The following KLF12 variants were observed in gnomAD, a reference collection of about 807,000 sequenced individuals.
KLF12 encodes the protein Krueppel-like factor 12.
KLF12 carries 9 observed loss-of-function variants against 37.8 expected under a neutral mutation model. The ratio of observed to expected loss-of-function variants is 0.24; its 90% confidence interval spans 0.14 to 0.42. The LOEUF is 0.42. KLF12 is among the 10% of genes least tolerant of loss of function. KLF12 has a pLI of 1.00. For missense variants in KLF12, 411 were observed against 516.0 expected (o/e 0.80, Z 1.97); for synonymous variants, 208 against 202.1 (o/e 1.03, Z -0.25).
chr13:73,908,925 C>T (rs990583263), intron 3 of KLF12, among the ~76,000 whole-genome samples: 3 of 152,136 alleles, frequency 2.0e-5, no homozygotes, highest in Admixed American at 6.5e-5. Context: ...GGTAGAAGCA[C>T]AATAAAATAT....
intron 2 of KLF12, among the ~76,000 whole-genome samples, chr13:73,975,135 T>C (rs575993627): frequency 3.9e-5 from 6 of 152,340 alleles, no homozygotes; most frequent in Admixed American, 3.9e-4. Flanking sequence ...GAGTATGTAA[T>C]TCAAAAGTAA....
intron 4 of KLF12, among the ~76,000 whole-genome samples, chr13:73,832,442 T>G (rs747791726): frequency 5.9e-5 from 9 of 152,320 alleles, no homozygotes; most frequent in Non-Finnish European, 1.3e-4. Flanking sequence ...TACAGAGGAC[T>G]GATTCACAGC....
intron 2 of KLF12, among the ~76,000 whole-genome samples, chr13:73,954,356 C>T (rs1890762053): frequency 6.6e-6 from 1 of 152,044 alleles, no homozygotes; most frequent in Admixed American, 6.5e-5. Context: ...AAACTTTGTG[C>T]TTATATGTAA....
At chr13:74,040,085 T>C (rs1158564828) in intron 1 of KLF12, among the ~76,000 whole-genome samples, 1 of 152,230 alleles carries the variant, frequency 6.6e-6, no homozygotes, top group Non-Finnish European at 1.5e-5. Flanking sequence ...TTTCTTCAAA[T>C]TTTCCCTAAT....
Position 73,695,078 on chromosome 13 carries a change from T to G in KLF12, c.*412A>C, listed in dbSNP as rs1315615715. The G allele has an allele frequency of 6.2e-6, 1 of 160,694 alleles. No homozygotes were observed. 10.0% of individuals were successfully genotyped at this position (160,694 alleles called of 1,614,324 possible). On this transcript the variant is annotated 3_prime_UTR_variant, in exon 8 of 8. Coordinates refer to ENST00000377669, the MANE Select transcript of KLF12 (RefSeq NM_007249.5). ...TAACTAAAATTTCTGTAAAAAGGGG[T>G]TAAGGGATGGGATGATGGGAGATTC...
chr13:73,941,042 G>A (rs1890163217), intron 3 of KLF12, among the ~76,000 whole-genome samples: 1 of 152,190 alleles, frequency 6.6e-6, no homozygotes, highest in Admixed American at 6.5e-5. Context: ...AATGCTGTGT[G>A]CAGCCTGAGA....
chr13:73,825,690 A>T (rs1218460882), intron 4 of KLF12, among the ~76,000 whole-genome samples: 1 of 151,254 alleles, frequency 6.6e-6, no homozygotes, highest in African/African-American at 2.4e-5. Flanking sequence ...TGTCTTTTGT[A>T]ATATAAGGAA....
intron 3 of KLF12, among the ~76,000 whole-genome samples, chr13:73,885,333 A>C (rs1887172276): frequency 6.6e-6 from 1 of 152,020 alleles, no homozygotes; most frequent in South Asian, 2.1e-4. Flanking sequence ...CTCTTTCCTC[A>C]CTCCAAATCC....
At chr13:74,179,702 A>G in the KLF12 span, among the ~76,000 whole-genome samples, 16 of 152,188 alleles carry the variant, frequency 1.1e-4, no homozygotes, top group Non-Finnish European at 1.8e-4. Context: ...ATCAAAATCA[A>G]CACTGCAGAA....
intron 1 of KLF12, among the ~76,000 whole-genome samples, chr13:74,031,234 T>C (rs1349275477): frequency 6.6e-6 from 1 of 152,164 alleles, no homozygotes; most frequent in South Asian, 2.1e-4. Flanking sequence ...ATTGACTTTA[T>C]ATGTGATTTA....
chr13:74,082,447 C>G (rs1199397779), intron 1 of KLF12, among the ~76,000 whole-genome samples: 1 of 152,162 alleles, frequency 6.6e-6, no homozygotes, highest in Non-Finnish European at 1.5e-5. Flanking sequence ...TGATATTAAA[C>G]TAAAGATTCT....
At chr13:73,962,228 T>G (rs1446891775) in intron 2 of KLF12, among the ~76,000 whole-genome samples, 1 of 152,070 alleles carries the variant, frequency 6.6e-6, no homozygotes, top group Non-Finnish European at 1.5e-5. Context: ...AAAAAGCCAG[T>G]CTGAAAAGGT....
chr13:73,920,627 T>A (rs890491492), intron 3 of KLF12, among the ~76,000 whole-genome samples: 17 of 152,182 alleles, frequency 1.1e-4, no homozygotes, highest in African/African-American at 4.1e-4. Flanking sequence ...TTCCCATCCC[T>A]AGGCACCCTT....
intron 4 of KLF12, among the ~76,000 whole-genome samples, chr13:73,833,690 C>T (rs974381018): frequency 1.3e-5 from 2 of 152,110 alleles, no homozygotes; most frequent in Admixed American, 1.3e-4. Context: ...AAAGAAAAGG[C>T]TTCCCTTTGC....
chr13:74,252,999 C>G, the KLF12 span, among the ~76,000 whole-genome samples: 2 of 127,272 alleles, frequency 1.6e-5, no homozygotes, highest in Admixed American at 7.2e-5. Context: ...ATCTATCTAT[C>G]TATCTATCTA....
intron 6 of KLF12, among the ~76,000 whole-genome samples, chr13:73,739,360 C>A (rs972883830): frequency 2.0e-5 from 3 of 151,906 alleles, no homozygotes; most frequent in Non-Finnish European, 4.4e-5. Flanking sequence ...AATACCTTAA[C>A]AAATGTTTTC....
chr13:73,865,105 T>A (rs1251688947), intron 3 of KLF12, among the ~76,000 whole-genome samples: 2 of 152,142 alleles, frequency 1.3e-5, no homozygotes, highest in Non-Finnish European at 2.9e-5. Context: ...TAAGGTCAAC[T>A]TGATTGCCTA....
At chr13:73,940,287 CAA>C (rs1289986377) in intron 3 of KLF12, among the ~76,000 whole-genome samples, 2 of 152,168 alleles carry the variant, frequency 1.3e-5, no homozygotes, top group African/African-American at 4.8e-5. Flanking sequence ...AAGCGTATCA[CAA>C]GAGCACATGC....
At chr13:74,177,096 T>C in the KLF12 span, among the ~76,000 whole-genome samples, 2 of 152,214 alleles carry the variant, frequency 1.3e-5, no homozygotes, top group Non-Finnish European at 2.9e-5. Flanking sequence ...ACCGGAAACC[T>C]AATTTATCTG....
Sources: gnomAD v4.1 joint callset for allele counts (sites outside exome capture counted in the v4.1 genomes callset) on GRCh38, gnomAD v4.1.1 for gene constraint, MANE v1.5 for transcripts, NCBI Gene and HGNC (gene_info 2026-07-23, HGNC 2026-07-21) for gene names.